The following GRIN2B variants were observed in gnomAD, a reference collection of about 807,000 sequenced individuals.
The protein encoded by GRIN2B is glutamate ionotropic receptor NMDA type subunit 2B, also known as glutamate receptor ionotropic, NMDA 2B.
Under a neutral mutation model 114.5 loss-of-function variants are expected in GRIN2B, and 5 were observed. That is an observed-to-expected ratio of 0.04 (90% CI 0.02 to 0.09). GRIN2B has a LOEUF of 0.09. Among genes scored for constraint, GRIN2B ranks in the 10% least tolerant of loss-of-function variants. GRIN2B has a pLI of 1.00. For missense variants in GRIN2B, 1,108 were observed against 1,943.5 expected (o/e 0.57, Z 8.08); for synonymous variants, 787 against 745.1 (o/e 1.06, Z -0.92).
In GRIN2B at chr12:13,615,102, C is replaced by T; in HGVS notation, c.1654+12G>A. ...ACGTCCATTTCCTTCCACCAGCAAA[C>T]CCATCATTTACCTAAGAAGGCAGAA... On this transcript the variant is annotated intron_variant, in intron 8 of 13. Coordinates refer to ENST00000609686, the MANE Select transcript of GRIN2B (RefSeq NM_000834.5). This position sits in a 1 kb window ranked among gnomAD's most constrained non-coding sequence, Gnocchi z 5.8. 6.2e-7 allele frequency: 1 copy of T among 1,608,548 alleles called. No homozygotes were observed. Among genetic ancestry groups the T allele is most frequent in the Non-Finnish European group, 8.5e-7 (1 of 1,174,924 alleles).
At chr12:13,911,458 C>T (rs1485187749) in intron 2 of GRIN2B, among the ~76,000 whole-genome samples, 1 of 152,188 alleles carries the variant, frequency 6.6e-6, no homozygotes, top group Non-Finnish European at 1.5e-5. Context: ...ACTTGGCAAA[C>T]AGGAACAACC....
intron 10 of GRIN2B, among the ~76,000 whole-genome samples, chr12:13,601,723 G>T (rs1267284414): frequency 6.6e-6 from 1 of 151,138 alleles, no homozygotes; most frequent in Non-Finnish European, 1.5e-5. Context: ...AAGGGGAAGG[G>T]GACCACAAAA....
chr12:13,879,022 C>T (rs867383800), intron 2 of GRIN2B, among the ~76,000 whole-genome samples: 3 of 152,088 alleles, frequency 2.0e-5, no homozygotes, highest in Admixed American at 6.5e-5. Context: ...TTGATTTGGT[C>T]GGAATCTGAT....
intron 2 of GRIN2B, among the ~76,000 whole-genome samples, chr12:13,909,982 T>C (rs1044949716): frequency 1.3e-5 from 2 of 152,182 alleles, no homozygotes; most frequent in African/African-American, 4.8e-5. Flanking sequence ...AACTAAAATA[T>C]TTACCTAGAC....
In GRIN2B at chr12:13,678,607, T is replaced by G. The variant is rs1446174832; in HGVS notation, c.1011-2748A>C. 3.3e-5 allele frequency among the ~76,000 whole-genome samples: 5 copies of G among 152,050 alleles called. No individual in the cohort carries two copies. The East Asian group carries it at 9.7e-4, about 29-fold the overall frequency. Reference sequence around the variant, plus strand: ...CTCCAGACACCTCCACTCAGTGACATGTAGCATCCCCAACACAACTCAATG... The same window carrying G: ...CTCCAGACACCTCCACTCAGTGACAGGTAGCATCCCCAACACAACTCAATG... On this transcript the variant is annotated intron_variant, in intron 4 of 13. Transcript: ENST00000609686.
intron 3 of GRIN2B, among the ~76,000 whole-genome samples, chr12:13,794,244 A>G (rs1482583433): frequency 6.6e-6 from 1 of 151,626 alleles, no homozygotes; most frequent in African/African-American, 2.4e-5. Flanking sequence ...AGAAAAAAAG[A>G]AAAAGAAAAA....
chr12:13,915,286 ACACTGTACTTAGACACCGAT>A (rs1336369222), intron 2 of GRIN2B, among the ~76,000 whole-genome samples: 5 of 152,186 alleles, frequency 3.3e-5, no homozygotes, highest in African/African-American at 1.2e-4. Context: ...TACGTTAGTC[ACACTGTACTTAGACACCGAT>A]TGGAGTCTAA....
chr12:13,741,309 C>T (rs371477143), intron 4 of GRIN2B, among the ~76,000 whole-genome samples: 12 of 152,088 alleles, frequency 7.9e-5, no homozygotes, highest in Non-Finnish European at 1.3e-4. Flanking sequence ...GGATTACAGG[C>T]GTGAGCCACC....
intron 3 of GRIN2B, among the ~76,000 whole-genome samples, chr12:13,818,623 T>C (rs573568058): frequency 9.2e-5 from 14 of 152,318 alleles, no homozygotes; most frequent in Non-Finnish European, 1.8e-4. Context: ...GGAATGCTGC[T>C]TGAGAGAACC....
intron 5 of GRIN2B, among the ~76,000 whole-genome samples, chr12:13,629,836 G>A (rs1949602744): frequency 6.6e-6 from 1 of 152,042 alleles, no homozygotes; most frequent in African/African-American, 2.4e-5. Context: ...TTAAACCCCT[G>A]GTCTTCTGAA....
chr12:13,667,051 T>C (rs1177780171), intron 5 of GRIN2B, among the ~76,000 whole-genome samples: 2 of 152,116 alleles, frequency 1.3e-5, no homozygotes, highest in Non-Finnish European at 2.9e-5. Context: ...AACCACAGAA[T>C]AGAAACAGCG....
chr12:13,606,280 T>C (rs1233541619), intron 10 of GRIN2B, among the ~76,000 whole-genome samples: 1 of 152,160 alleles, frequency 6.6e-6, no homozygotes, highest in Non-Finnish European at 1.5e-5. Flanking sequence ...AGTTTGGGCA[T>C]ATGGTGACAT....
chr12:13,795,695 A>G (rs997644087), intron 3 of GRIN2B, among the ~76,000 whole-genome samples: 1 of 152,228 alleles, frequency 6.6e-6, no homozygotes, highest in Non-Finnish European at 1.5e-5. Flanking sequence ...ATGTCCGTCA[A>G]TGATAGCCTG....
intron 2 of GRIN2B, among the ~76,000 whole-genome samples, chr12:13,879,368 G>A (rs1308552283): frequency 6.6e-6 from 1 of 152,090 alleles, no homozygotes; most frequent in Non-Finnish European, 1.5e-5. Flanking sequence ...GTGCAGTAAC[G>A]ATACAGTATT....
intron 3 of GRIN2B, among the ~76,000 whole-genome samples, chr12:13,839,082 T>TC (rs57181839): frequency 0.15 from 23,354 of 152,164 alleles, 2,086 homozygotes; most frequent in African/African-American, 0.24. Flanking sequence ...CAAGGACTCT[T>TC]CTGTTTATAA....
At position 13,543,241 on chromosome 12, in the gene GRIN2B, C is replaced by T. The variant is rs920459916; in HGVS notation, c.*19542G>A. 3 of 151,504 alleles carry T rather than the reference C, an allele frequency of 2.0e-5. No homozygotes were observed. The highest frequency in any genetic ancestry group is 7.4e-5 in the African/African-American group (3 of 40,704). 9.4% of individuals were successfully genotyped at this position (151,504 alleles called of 1,614,324 possible). A position where few individuals can be genotyped will look rare whatever the true frequency, so the allele number is the denominator to read the frequency against. On this transcript the variant is annotated 3_prime_UTR_variant, in exon 14 of 14. Coordinates refer to ENST00000609686, the MANE Select transcript of GRIN2B (RefSeq NM_000834.5). Reference sequence around the variant, plus strand: ...CACCACCCCAACAACAGACCCCAAACCACCAATAACTGCAAGCCCTCCATA... The same window carrying T: ...CACCACCCCAACAACAGACCCCAAATCACCAATAACTGCAAGCCCTCCATA...
At chr12:13,655,185 C>A (rs1949851038) in intron 5 of GRIN2B, among the ~76,000 whole-genome samples, 1 of 152,082 alleles carries the variant, frequency 6.6e-6, no homozygotes, top group Non-Finnish European at 1.5e-5. Context: ...CCACCGAGCA[C>A]AAGATTACCC....
chr12:13,707,490 T>C (rs1419403645), intron 4 of GRIN2B, among the ~76,000 whole-genome samples: 1 of 152,184 alleles, frequency 6.6e-6, no homozygotes, highest in South Asian at 2.1e-4. Flanking sequence ...TATACGTTTA[T>C]GTAGTTTCCA....
chr12:13,932,247 T>G (rs935356588), intron 2 of GRIN2B, among the ~76,000 whole-genome samples: 4 of 152,222 alleles, frequency 2.6e-5, no homozygotes, highest in Non-Finnish European at 4.4e-5. Context: ...AGTGGCCCAC[T>G]CTCTTTGATC....
Sources: allele counts gnomAD v4.1 joint callset (sites outside exome capture counted in the v4.1 genomes callset), GRCh38; gene constraint gnomAD v4.1.1; non-coding constraint Gnocchi (gnomAD v3.1); transcripts MANE v1.5; gene names NCBI Gene and HGNC (gene_info 2026-07-23, HGNC 2026-07-21).